Variants in AFP observed in about 807,000 individuals in gnomAD.
AFP encodes the protein alpha fetoprotein, also known as alpha-fetoprotein.
A neutral mutation model predicts 78.9 loss-of-function variants in AFP; 64 were observed. The ratio of observed to expected loss-of-function variants is 0.81; its 90% CI spans 0.66 to 1.00. The LOEUF is 1.00. AFP is among the 50% of genes least tolerant of loss of function. The pLI is 0.00. For missense variants in AFP, 689 were observed against 703.8 expected, an observed-to-expected ratio of 0.98 and a Z score of 0.24; for synonymous variants, 254 against 243.8, an observed-to-expected ratio of 1.04 and a Z score of -0.39.
intron 1 of AFP, 87 bp downstream of exon 1, chr4:73,436,434 A>T (rs3796677): frequency 0.52 from 396,963 of 756,282 alleles, 105,281 homozygotes; most frequent in Non-Finnish European, 0.55. Context: ...TTGATTTATT[A>T]TTCATATTTA....
rs191726190 is a variant in AFP, at chr4:73,436,224, G to A, written c.-39G>A. 7.6e-5 allele frequency: 102 copies of A among 1,344,462 alleles called. No individual in the cohort carries two copies. The highest frequency in any genetic ancestry group is 9.7e-5 in the Non-Finnish European group (91 of 937,374). 83.3% of individuals were successfully genotyped at this position (1,344,462 alleles called of 1,614,324 possible). On this transcript the variant is annotated 5_prime_UTR_variant, in exon 1 of 15. It adds an upstream start codon to the 5' untranslated region. Transcript: ENST00000395792. ...GAATTTCAGCATGATTTTCCATATT[G>A]TGCTTCCACCACTGCCAATAACAAA...
rs41265659 is a variant in AFP, at chr4:73,449,970, A to G, written c.1192-66A>G. The G allele has an allele frequency of 6.5e-4, 690 of 1,056,108 alleles. 1 individual carries two copies. Among genetic ancestry groups the G allele is most frequent in the Middle Eastern group, 4.8e-3 (23 of 4,816 alleles). 65.4% of individuals were successfully genotyped at this position (1,056,108 alleles called of 1,614,324 possible). A position where few individuals can be genotyped will look rare whatever the true frequency, so the allele number is the denominator to read the frequency against. On this transcript the variant is annotated intron_variant, in intron 9 of 14. Coordinates refer to ENST00000395792, the MANE Select transcript of AFP (RefSeq NM_001134.3). ...TTATAATAGTATATAATATTGATCA[A>G]TTTTATATACAAAGTTATGCATCCA...
intron 4 of AFP, 135 bp from the exon 5 acceptor site, chr4:73,442,161 C>T: frequency 2.1e-6 from 2 of 938,532 alleles, no homozygotes; most frequent in Middle Eastern, 3.0e-4. Context: ...CTTAGGAACA[C>T]AGTAAAGACA....
At chr4:73,449,189 A>G in intron 8 of AFP, 146 bp from the exon 9 acceptor site, 2 of 771,056 alleles carry the variant, frequency 2.6e-6, no homozygotes, top group East Asian at 2.7e-5. Context: ...TGCCATTCAT[A>G]TAATTCAAAT....
rs1179447389 is a variant in AFP, at chr4:73,440,589, A to T, written c.271-13A>T. On this transcript the variant is annotated splice_polypyrimidine_tract_variant and intron_variant, in intron 3 of 14. Transcript: ENST00000395792. ...TTAGTTGTCTTTCTCCAAACATAAA[A>T]TATTTCTTATAGCTACCTGCCTTTC... 6.2e-7 allele frequency: 1 copy of T among 1,607,194 alleles called. No homozygotes were observed. The highest frequency in any genetic ancestry group is 8.5e-7 in the Non-Finnish European group (1 of 1,173,824).
Position 73,438,287 on chromosome 4 carries a change from C to T in AFP, c.251C>T (p.Ser84Leu), listed in dbSNP as rs1194309474. 1.2e-6 allele frequency: 2 copies of T among 1,613,058 alleles called. No individual in the cohort carries two copies. Among genetic ancestry groups the T allele is most frequent in the East Asian group, 2.2e-5 (1 of 44,798 alleles). ...AAACCCACTGGAGATGAACAGTCTT[C>T]AGGGTGTTTAGAAAACCAGGTGAGT... ...IEKPTGDEQS[S>L]GCLENQLPAF... Residue 84 changes from serine (S) to leucine (L), a missense_variant, in exon 3 of 15, where the codon TCA becomes TTA. Physicochemically the swap from Ser to Leu is moderately radical, Grantham distance 145. Transcript: ENST00000395792.
Position 73,437,757 on chromosome 4 carries a change from T to C in AFP, c.138-417T>C, listed in dbSNP as rs141045575. On this transcript the variant is annotated intron_variant, in intron 2 of 14. Coordinates refer to ENST00000395792, the MANE Select transcript of AFP (RefSeq NM_001134.3). ...GCTTTGAGTCAATCCATGAGCACTG[T>C]AGTCTTGGGTTTTAGACCTTGATCA... 3.8e-3 allele frequency among the ~76,000 whole-genome samples: 584 copies of C among 152,166 alleles called. 4 individuals carry two copies. The highest frequency in any genetic ancestry group is 0.013 in the African/African-American group (521 of 41,544).
chr4:73,442,819 A>G (rs1456341725), intron 5 of AFP, among the ~76,000 whole-genome samples: 1 of 152,148 alleles, frequency 6.6e-6, no homozygotes, highest in African/African-American at 2.4e-5. Context: ...TAAACCTTAG[A>G]ACAAATTTGA....
intron 8 of AFP, among the ~76,000 whole-genome samples, chr4:73,448,571 C>G (rs1719898690): frequency 6.6e-6 from 1 of 152,098 alleles, no homozygotes; most frequent in African/African-American, 2.4e-5. Flanking sequence ...TTAGGAGACA[C>G]ATAGTGACAA....
chr4:73,446,772 A>G (rs1719841461), intron 7 of AFP, among the ~76,000 whole-genome samples: 1 of 152,258 alleles, frequency 6.6e-6, no homozygotes, highest in African/African-American at 2.4e-5. Flanking sequence ...AGAAATACAT[A>G]TAGCAACATG....
In AFP at chr4:73,447,473, G is replaced by T. The variant is rs1003646245; in HGVS notation, c.855G>T (p.Met285Ile). 3 of 1,606,464 alleles carry T rather than the reference G, an allele frequency of 1.9e-6. No individual in the cohort carries two copies. The East Asian group carries it at 6.7e-5, about 36-fold the overall frequency. ...LDCLQDGEKI[M>I]SYICSQQDTL... is the part of the protein sequence containing the mutation. The stretch of plus-strand genomic sequence containing the variant: ...TTTCTCTGTTGCAGGAAAAAATCAT[G>T]TCCTACATATGTTCTCAACAAGACA... The change falls in exon 8 of 15, where the codon ATG becomes ATT. Residue 285 changes from methionine to isoleucine, a missense_variant. Coordinates refer to ENST00000395792, the MANE Select transcript of AFP (RefSeq NM_001134.3).
At position 73,437,167 on chromosome 4, in the gene AFP, A is replaced by G. The variant is rs1290198788; in HGVS notation, c.93A>G (p.Ile31Met). ...LHRNEYGIAS[I>M]LDSYQCTAEI... ...GTTTATTTTGCTTTCCAGCTTCCATATTGGATTCTTACCAATGTACTGCAG... is the reference window on the plus strand; with the variant it reads ...GTTTATTTTGCTTTCCAGCTTCCATGTTGGATTCTTACCAATGTACTGCAG... Residue 31 changes from isoleucine (I) to methionine (M), a missense_variant, in exon 2 of 15, where the codon ATA (isoleucine) becomes ATG (methionine). Physicochemically the swap from Ile to Met is conservative, Grantham distance 10. Transcript: ENST00000395792. The G allele has an allele frequency of 1.9e-6, 3 of 1,611,088 alleles. No individual in the cohort carries two copies. The South Asian group carries it at 3.3e-5, about 18-fold the overall frequency.
In AFP at chr4:73,455,232, T is replaced by G; in HGVS notation, c.1786-4T>G. On this transcript the variant is annotated splice_polypyrimidine_tract_variant and splice_region_variant and intron_variant, in intron 13 of 14. Coordinates refer to ENST00000395792, the MANE Select transcript of AFP (RefSeq NM_001134.3). The stretch of plus-strand genomic sequence containing the variant: ...ATCTGATTATGTTTATTCTTAATTT[T>G]CAGGGACAAAAACTGATTTCAAAAA... 1.9e-6 allele frequency: 3 copies of G among 1,609,278 alleles called. No homozygotes were observed. Among genetic ancestry groups the G allele is most frequent in the Non-Finnish European group, 2.6e-6 (3 of 1,175,954 alleles).
rs374827933 is a variant in AFP at position 73,453,420 on chromosome 4, G to GAGA, written c.1653-344_1653-342dup. On this transcript the variant is annotated intron_variant, in intron 12 of 14. Transcript: ENST00000395792. ...GTGATAACTGGATGGGCAGGATTCG[G>GAGA]AGATCTGGGTCTTTGAGTGTAGATA... is the stretch of plus-strand genomic sequence containing the variant. The GAGA allele has an allele frequency of 7.3e-3, 1,994 of 271,856 alleles. 47 individuals are homozygous for GAGA. The highest frequency in any genetic ancestry group is 0.042 in the African/African-American group (1,881 of 45,168). 16.8% of individuals were successfully genotyped at this position (271,856 alleles called of 1,614,324 possible). A position where few individuals can be genotyped will look rare whatever the true frequency, so the allele number is the denominator to read the frequency against.
rs1719964070 is a variant in AFP, at chr4:73,450,605, C to T, written c.1290-10C>T. The T allele has an allele frequency of 6.2e-7, 1 of 1,614,110 alleles. No homozygotes were observed. The highest frequency in any genetic ancestry group is 8.5e-7 in the Non-Finnish European group (1 of 1,179,996). On this transcript the variant is annotated splice_polypyrimidine_tract_variant and intron_variant, in intron 10 of 14. Coordinates refer to ENST00000395792, the MANE Select transcript of AFP (RefSeq NM_001134.3). The stretch of plus-strand genomic sequence containing the variant: ...CTCAGCAGGACTTAGTTAAAAAATG[C>T]TTCTTTCAGGTTTCTCGTTGCTTAC...
At chr4:73,449,953 G>A (rs1719937311) in intron 9 of AFP, 83 bp from the exon 10 acceptor site, 2 of 830,536 alleles carry the variant, frequency 2.4e-6, no homozygotes, top group African/African-American at 3.5e-5. Context: ...TTTTATAATA[G>A]TATATAATAT....
chr4:73,447,435 A>G, intron 7 of AFP, 27 bp from the exon 8 acceptor site: 1 of 1,529,204 alleles, frequency 6.5e-7, no homozygotes, highest in East Asian at 2.3e-5. Flanking sequence ...AATCTTTAAA[A>G]CTTATACTTT....
intron 7 of AFP, among the ~76,000 whole-genome samples, chr4:73,447,115 A>G (rs900422042): frequency 1.3e-5 from 2 of 152,134 alleles, no homozygotes; most frequent in African/African-American, 2.4e-5. Flanking sequence ...ATAATTTCCA[A>G]GGGTCTTTCT....
At chr4:73,454,727 A>G (rs1405009608) in intron 13 of AFP, among the ~76,000 whole-genome samples, 3 of 152,150 alleles carry the variant, frequency 2.0e-5, no homozygotes, top group African/African-American at 7.2e-5. Context: ...AAATAATATA[A>G]TTAGATGCAT....
Sources: allele counts gnomAD v4.1 joint callset (sites outside exome capture counted in the v4.1 genomes callset), GRCh38; gene constraint gnomAD v4.1.1; transcripts MANE v1.5; gene names NCBI Gene and HGNC (gene_info 2026-07-23, HGNC 2026-07-21).